KIFAP3: variants seen among roughly 807,000 people sequenced by gnomAD.
The protein encoded by KIFAP3 is kinesin-associated protein 3.
Under a neutral mutation model 106.5 loss-of-function variants are expected in KIFAP3, and 68 were observed. The ratio of observed to expected loss-of-function variants is 0.64; its 90% CI spans 0.53 to 0.78. The LOEUF is 0.78. Ranked by LOEUF, KIFAP3 falls within the 30% of genes least tolerant of loss-of-function variation. KIFAP3 has a pLI of 0.00. For synonymous variants in KIFAP3, 320 were observed against 311.5 expected (o/e 1.03, Z -0.29); for missense variants, 780 against 941.8 (o/e 0.83, Z 2.25).
At chr1:170,071,105 C>G (rs1000702403) in intron 1 of KIFAP3, among the ~76,000 whole-genome samples, 4 of 152,128 alleles carry the variant, frequency 2.6e-5, no homozygotes, top group African/African-American at 9.7e-5. Context: ...AGTGAGGATA[C>G]GGAAAACTGA....
chr1:169,933,520 T>C (rs1387336726), intron 19 of KIFAP3, among the ~76,000 whole-genome samples: 1 of 152,072 alleles, frequency 6.6e-6, no homozygotes, highest in East Asian at 1.9e-4. Context: ...TGATGAAGCA[T>C]GGTATTTCTA....
intron 1 of KIFAP3, among the ~76,000 whole-genome samples, chr1:170,059,947 C>T (rs1387871632): frequency 6.6e-6 from 1 of 152,094 alleles, no homozygotes; most frequent in African/African-American, 2.4e-5. Flanking sequence ...GCAGAAAAGG[C>T]CTTTGACAAA....
At chr1:170,077,509 T>C (rs940484560), upstream of KIFAP3, among the ~76,000 whole-genome samples, 2 of 152,200 alleles carry the variant, frequency 1.3e-5, no homozygotes, top group Non-Finnish European at 2.9e-5. Context: ...ATTAGAAACA[T>C]GATACTGAGT....
intron 1 of KIFAP3, among the ~76,000 whole-genome samples, chr1:170,082,128 TG>T (rs1197539007): frequency 7.9e-5 from 12 of 152,312 alleles, no homozygotes; most frequent in African/African-American, 2.9e-4. Flanking sequence ...CCACAACAAT[TG>T]CTCACAAATG....
At chr1:170,051,624 T>C (rs1330228091) in intron 2 of KIFAP3, among the ~76,000 whole-genome samples, 7 of 151,988 alleles carry the variant, frequency 4.6e-5, no homozygotes, top group Non-Finnish European at 8.8e-5. Context: ...TGCAGAAGAA[T>C]GGAAATCATA....
intron 1 of KIFAP3, among the ~76,000 whole-genome samples, chr1:170,059,432 C>A (rs192271020): frequency 6.6e-6 from 1 of 152,122 alleles, no homozygotes; most frequent in African/African-American, 2.4e-5. Flanking sequence ...AATTCCTGGA[C>A]ACACATACAC....
chr1:169,982,467 C>G (rs1666574659), intron 14 of KIFAP3, among the ~76,000 whole-genome samples: 1 of 151,810 alleles, frequency 6.6e-6, no homozygotes, highest in Non-Finnish European at 1.5e-5. Flanking sequence ...ACCAAAAGAC[C>G]ACAAGAAAGG....
intron 10 of KIFAP3, among the ~76,000 whole-genome samples, chr1:169,999,636 C>T (rs1468540713): frequency 6.6e-6 from 1 of 152,142 alleles, no homozygotes; most frequent in Non-Finnish European, 1.5e-5. Context: ...TCATGATGAA[C>T]TCACTGGCTA....
At chr1:169,994,633 T>A (rs1667285470) in intron 10 of KIFAP3, among the ~76,000 whole-genome samples, 1 of 152,036 alleles carries the variant, frequency 6.6e-6, no homozygotes, top group African/African-American at 2.4e-5. Flanking sequence ...AATCTATAAA[T>A]TCACTAATTC....
At chr1:169,974,704 C>T (rs1414330127) in intron 16 of KIFAP3, among the ~76,000 whole-genome samples, 1 of 151,582 alleles carries the variant, frequency 6.6e-6, no homozygotes, top group Non-Finnish European at 1.5e-5. Context: ...CATAGTACCC[C>T]AGGTTTTAGA....
intron 16 of KIFAP3, among the ~76,000 whole-genome samples, chr1:169,973,127 A>ATATATATATATATAT: frequency 7.0e-6 from 1 of 142,698 alleles, no homozygotes; most frequent in African/African-American, 2.6e-5. Context: ...ATATATAAAC[A>ATATATATATATATAT]ACACAAATCA....
chr1:170,048,695 A>C (rs1670405153), intron 2 of KIFAP3, among the ~76,000 whole-genome samples: 1 of 151,574 alleles, frequency 6.6e-6, no homozygotes, highest in Non-Finnish European at 1.5e-5. Context: ...GAGCAAGCAG[A>C]AGCGGGGTGG....
chr1:170,071,121 T>G (rs1378277860), intron 1 of KIFAP3, among the ~76,000 whole-genome samples: 1 of 152,214 alleles, frequency 6.6e-6, no homozygotes, highest in Admixed American at 6.5e-5. Flanking sequence ...ACTGAATTCT[T>G]ATACATTGCT....
intron 10 of KIFAP3, among the ~76,000 whole-genome samples, chr1:169,998,139 G>A (rs1175407275): frequency 6.6e-6 from 1 of 151,364 alleles, no homozygotes; most frequent in Non-Finnish European, 1.5e-5. Flanking sequence ...TCTTTTAACA[G>A]AACTTACTTT....
chr1:169,923,884 C>T (rs1435278313), intron 19 of KIFAP3, among the ~76,000 whole-genome samples: 1 of 152,186 alleles, frequency 6.6e-6, no homozygotes, highest in East Asian at 1.9e-4. Context: ...AGCTATAACA[C>T]CATAAGGAAT....
intron 11 of KIFAP3, chr1:169,989,986 C>G: frequency 6.9e-7 from 1 of 1,456,372 alleles, no homozygotes; most frequent in Non-Finnish European, 9.2e-7. Flanking sequence ...GAGGAATTAC[C>G]TTCATAAGTA....
At chr1:170,035,334 G>A in intron 6 of KIFAP3, 120 bp downstream of exon 6, 1 of 554,320 alleles carries the variant, frequency 1.8e-6, no homozygotes, top group Non-Finnish European at 3.2e-6. Flanking sequence ...TTCAGCAGTA[G>A]AGCATAGGCA....
rs764529494 is a variant in KIFAP3 at position 170,038,299 on chromosome 1, G to A, written c.508C>T (p.Leu170=). ...GTTTTATAGTAATCACCATTCAATAGTAGTTCTTCCAAGTTATCAGGATTT... is the reference window on the plus strand; with the variant it reads ...GTTTTATAGTAATCACCATTCAATAATAGTTCTTCCAAGTTATCAGGATTT... ...ARNPDNLEEL[L]LNETALGALA... Residue 170 remains leucine, a synonymous_variant, in exon 5 of 20, where the codon CTA becomes TTA. Coordinates refer to ENST00000361580, the MANE Select transcript of KIFAP3 (RefSeq NM_014970.4). 88 of 1,597,624 alleles carry A rather than the reference G, an allele frequency of 5.5e-5. No individual in the cohort carries two copies. The highest frequency in any genetic ancestry group is 7.5e-5 in the Non-Finnish European group (88 of 1,176,270).
chr1:170,082,829 C>T (rs1049038939), intron 1 of KIFAP3, among the ~76,000 whole-genome samples: 1 of 151,884 alleles, frequency 6.6e-6, no homozygotes, highest in Non-Finnish European at 1.5e-5. Context: ...AAAAATTAGC[C>T]AGGTGTGGTG....
Sources: gnomAD v4.1 joint callset for allele counts (sites outside exome capture counted in the v4.1 genomes callset) on GRCh38, gnomAD v4.1.1 for gene constraint, MANE v1.5 for transcripts, NCBI Gene and HGNC (gene_info 2026-07-23, HGNC 2026-07-21) for gene names.